The following CNTNAP2 variants were observed in gnomAD, a reference collection of about 807,000 sequenced individuals.
CNTNAP2 encodes contactin-associated protein-like 2.
CNTNAP2 carries 98 observed loss-of-function variants against 155.2 expected under a neutral mutation model. The ratio of observed to expected loss-of-function variants is 0.63; its 90% CI spans 0.54 to 0.75. The LOEUF (loss-of-function observed/expected upper bound fraction) is 0.75, where lower values mean the gene tolerates loss of function less well. Ranked by LOEUF, CNTNAP2 falls within the 30% of genes least tolerant of loss-of-function variation. The probability of loss-of-function intolerance (pLI) is 0.00; values close to 1 mark genes in which losing one functional copy is unlikely to be tolerated. For synonymous variants in CNTNAP2, 651 were observed against 631.2 expected, an observed-to-expected ratio of 1.03 and a Z score of -0.47; for missense variants, 1,727 against 1,688.1, an observed-to-expected ratio of 1.02 and a Z score of -0.40.
At chr7:146,851,920 A>G (rs1794886934) in intron 3 of CNTNAP2, among the ~76,000 whole-genome samples, 1 of 151,796 alleles carries the variant, frequency 6.6e-6, no homozygotes, top group Non-Finnish European at 1.5e-5. Context: ...TCCTGAGCTC[A>G]AGCAGTCCTC....
chr7:146,910,505 C>T (rs1389504155), intron 3 of CNTNAP2, among the ~76,000 whole-genome samples: 41 of 150,538 alleles, frequency 2.7e-4, no homozygotes, highest in Non-Finnish European at 5.2e-4. Context: ...ACGCCACATA[C>T]CTACAACTAT....
chr7:147,434,289 A>T (rs529144685), intron 10 of CNTNAP2, among the ~76,000 whole-genome samples: 6 of 152,342 alleles, frequency 3.9e-5, no homozygotes, highest in African/African-American at 1.4e-4. Flanking sequence ...TAAAGTAGAT[A>T]TATGAAAATA....
Position 148,416,177 on chromosome 7 carries a change from A to C in CNTNAP2, c.*561A>C, listed in dbSNP as rs1799983842. 1 of 156,780 alleles carries C rather than the reference A, an allele frequency of 6.4e-6. No homozygotes were observed. The highest frequency in any genetic ancestry group is 1.9e-4 in the East Asian group (1 of 5,340). The allele number at this position is 156,780 out of a possible 1,614,324, so 9.7% of individuals were successfully genotyped here. A position where few individuals can be genotyped will look rare whatever the true frequency, so the allele number is the denominator to read the frequency against. ...ACCTATTATTTGCCAGTTTTTAAGC[A>C]GAGCTCAATCTATGCCAGCTCTCTG... is the stretch of plus-strand genomic sequence containing the variant. On this transcript the variant is annotated 3_prime_UTR_variant, in exon 24 of 24. Coordinates refer to ENST00000361727, the MANE Select transcript of CNTNAP2 (RefSeq NM_014141.6).
At chr7:147,955,439 G>A (rs1801003986) in intron 14 of CNTNAP2, among the ~76,000 whole-genome samples, 1 of 152,154 alleles carries the variant, frequency 6.6e-6, no homozygotes, top group African/African-American at 2.4e-5. Context: ...GAAGAGTAGT[G>A]TTGTTCCATT....
At chr7:146,629,499 A>T (rs1188523163) in intron 1 of CNTNAP2, among the ~76,000 whole-genome samples, 1 of 152,180 alleles carries the variant, frequency 6.6e-6, no homozygotes, top group Non-Finnish European at 1.5e-5. Flanking sequence ...AAATTTCAAC[A>T]ATATTTGTTA....
chr7:148,248,681 G>A (rs1225183466), intron 20 of CNTNAP2, among the ~76,000 whole-genome samples: 1 of 151,960 alleles, frequency 6.6e-6, no homozygotes, highest in Non-Finnish European at 1.5e-5. Context: ...ATCATTTTGG[G>A]GATATTATGA....
chr7:147,715,379 A>T (rs1796466993), intron 13 of CNTNAP2, among the ~76,000 whole-genome samples: 1 of 152,134 alleles, frequency 6.6e-6, no homozygotes, highest in African/African-American at 2.4e-5. Context: ...TCATTCTGAT[A>T]GGTGTGTAGT....
intron 12 of CNTNAP2, among the ~76,000 whole-genome samples, chr7:147,627,749 A>T (rs1027376723): frequency 1.3e-5 from 2 of 151,330 alleles, no homozygotes; most frequent in African/African-American, 4.8e-5. Context: ...TGGATGAAAA[A>T]TTCTCCACAT....
At chr7:146,314,054 G>A (rs1437724613) in intron 1 of CNTNAP2, among the ~76,000 whole-genome samples, 1 of 152,034 alleles carries the variant, frequency 6.6e-6, no homozygotes, top group African/African-American at 2.4e-5. Flanking sequence ...TAGTGATATG[G>A]GGTCTGATTT....
intron 13 of CNTNAP2, among the ~76,000 whole-genome samples, chr7:147,751,683 C>G (rs1158880910): frequency 2.0e-5 from 3 of 152,166 alleles, no homozygotes; most frequent in African/African-American, 7.2e-5. Context: ...TTAATAAGTT[C>G]GAATGACGAC....
At chr7:147,522,768 C>CAAAAAAAAA (rs143914653) in intron 11 of CNTNAP2, among the ~76,000 whole-genome samples, 1 of 93,242 alleles carries the variant, frequency 1.1e-5, no homozygotes, top group Non-Finnish European at 2.2e-5. Context: ...TCTGGCCCAG[C>CAAAAAAAAA]AAAAAAAAAA....
intron 1 of CNTNAP2, among the ~76,000 whole-genome samples, chr7:146,317,031 T>G (rs574331087): frequency 6.6e-6 from 1 of 152,238 alleles, no homozygotes; most frequent in Non-Finnish European, 1.5e-5. Context: ...CATACCATGA[T>G]GGATAATACC....
At chr7:147,002,675 A>C in intron 3 of CNTNAP2, among the ~76,000 whole-genome samples, 1 of 152,134 alleles carries the variant, frequency 6.6e-6, no homozygotes, top group Non-Finnish European at 1.5e-5. Flanking sequence ...TCCAAGATCA[A>C]AGTATGAGCA....
At chr7:147,088,865 G>A (rs911781298) in intron 4 of CNTNAP2, among the ~76,000 whole-genome samples, 18 of 152,096 alleles carry the variant, frequency 1.2e-4, no homozygotes, top group African/African-American at 4.3e-4. Flanking sequence ...GATTGCTTGA[G>A]CCCCGGAGTT....
chr7:147,352,935 TAGTAA>T (rs1271951115), intron 9 of CNTNAP2, among the ~76,000 whole-genome samples: 2 of 151,796 alleles, frequency 1.3e-5, no homozygotes, highest in Non-Finnish European at 2.9e-5. Context: ...TAAGTAAAGT[TAGTAA>T]AGTAAACAGT....
At chr7:146,784,270 G>C (rs995278941) in intron 2 of CNTNAP2, among the ~76,000 whole-genome samples, 26 of 152,038 alleles carry the variant, frequency 1.7e-4, no homozygotes, top group African/African-American at 5.8e-4. Context: ...CTATCACATT[G>C]ATCCCTGCTG....
chr7:148,031,413 C>T (rs1181811372), intron 15 of CNTNAP2, among the ~76,000 whole-genome samples: 1 of 152,208 alleles, frequency 6.6e-6, no homozygotes, highest in African/African-American at 2.4e-5. Context: ...CAACAGTAAG[C>T]TTCAGTGATA....
At chr7:146,842,366 C>T (rs1803744673) in intron 3 of CNTNAP2, among the ~76,000 whole-genome samples, 1 of 152,048 alleles carries the variant, frequency 6.6e-6, no homozygotes, top group Non-Finnish European at 1.5e-5. Flanking sequence ...TTTGTTTCTT[C>T]CTTTCAAATA....
chr7:147,068,966 C>T (rs1269166325), intron 4 of CNTNAP2, among the ~76,000 whole-genome samples: 1 of 152,192 alleles, frequency 6.6e-6, no homozygotes, highest in Non-Finnish European at 1.5e-5. Flanking sequence ...GTGCTGGCGT[C>T]TTCTGGTGAG....
Sources: gnomAD v4.1 joint callset for allele counts (sites outside exome capture counted in the v4.1 genomes callset) on GRCh38, gnomAD v4.1.1 for gene constraint, MANE v1.5 for transcripts, NCBI Gene and HGNC (gene_info 2026-07-23, HGNC 2026-07-21) for gene names.